FHIT: variants seen among roughly 807,000 people sequenced by gnomAD.
FHIT encodes the protein fragile histidine triad diadenosine triphosphatase, also known as bis(5'-adenosyl)-triphosphatase.
A neutral mutation model predicts 17.9 loss-of-function variants in FHIT; 19 were observed. The ratio of observed to expected loss-of-function variants is 1.06; its 90% CI spans 0.74 to 1.56. The LOEUF is 1.56. FHIT is among the 40% of genes most tolerant of loss of function. The probability of loss-of-function intolerance (pLI) is 0.00; values close to 1 mark genes in which losing one functional copy is unlikely to be tolerated. For synonymous variants in FHIT, 81 were observed against 69.7 expected (o/e 1.16, Z -0.81); for missense variants, 248 against 189.2 (o/e 1.31, Z -1.82).
At chr3:60,512,118 C>T (rs11721188) in intron 5 of FHIT, among the ~76,000 whole-genome samples, 75,917 of 151,984 alleles carry the variant, frequency 0.5, 19,040 homozygotes, top group Admixed American at 0.55. Context: ...GAATCACCAA[C>T]AAATGCTAAA....
chr3:60,680,996 A>G (rs1439009570), intron 4 of FHIT, among the ~76,000 whole-genome samples: 1 of 152,176 alleles, frequency 6.6e-6, no homozygotes, highest in Non-Finnish European at 1.5e-5. Context: ...CAAGGATATA[A>G]TTTTTTTAAG....
intron 7 of FHIT, among the ~76,000 whole-genome samples, chr3:59,983,038 A>G (rs1363053540): frequency 6.6e-6 from 1 of 151,958 alleles, no homozygotes; most frequent in East Asian, 1.9e-4. Flanking sequence ...TCCCTGGCTC[A>G]AGCGATCCTC....
chr3:61,136,171 T>C (rs1460900270), intron 2 of FHIT, among the ~76,000 whole-genome samples: 1 of 152,032 alleles, frequency 6.6e-6, no homozygotes, highest in Non-Finnish European at 1.5e-5. Flanking sequence ...ACACTTGGAT[T>C]AGCCTCAGGG....
At chr3:59,814,002 G>A (rs1405691753) in intron 8 of FHIT, among the ~76,000 whole-genome samples, 1 of 150,988 alleles carries the variant, frequency 6.6e-6, no homozygotes. Flanking sequence ...ATTCTAAAAG[G>A]ACGGATTCAT....
In FHIT at chr3:61,208,915, T is replaced by C. The variant is rs186153426; in HGVS notation, c.-212-8250A>G. 5.1e-3 allele frequency among the ~76,000 whole-genome samples: 770 copies of C among 152,174 alleles called. 15 individuals carry two copies. The highest frequency in any genetic ancestry group is 0.018 in the African/African-American group (738 of 41,546). Reference sequence around the variant, plus strand: ...TGATGTGGTTTCTTCCTAGCCTTGATGGTCTTTAAAATTTGGCATGTTTTT... The same window carrying C: ...TGATGTGGTTTCTTCCTAGCCTTGACGGTCTTTAAAATTTGGCATGTTTTT... On this transcript the variant is annotated intron_variant, in intron 1 of 9. Coordinates refer to ENST00000492590, the MANE Select transcript of FHIT (RefSeq NM_002012.4).
chr3:60,352,836 C>G (rs1270675809), intron 5 of FHIT, among the ~76,000 whole-genome samples: 1 of 152,072 alleles, frequency 6.6e-6, no homozygotes, highest in East Asian at 1.9e-4. Flanking sequence ...TTATCAGAGT[C>G]CTACTTACCC....
chr3:60,718,689 T>A (rs2107958117), intron 4 of FHIT, among the ~76,000 whole-genome samples: 1 of 152,354 alleles, frequency 6.6e-6, no homozygotes, highest in South Asian at 2.1e-4. Flanking sequence ...TCATAAACTC[T>A]ATCAGACAGA....
intron 4 of FHIT, among the ~76,000 whole-genome samples, chr3:60,593,532 A>G (rs2038161190): frequency 6.6e-6 from 1 of 152,152 alleles, no homozygotes; most frequent in Admixed American, 6.6e-5. Context: ...CTACATTGGC[A>G]ACTTTCAACT....
chr3:60,025,846 G>C (rs779417123), intron 5 of FHIT, among the ~76,000 whole-genome samples: 3 of 151,712 alleles, frequency 2.0e-5, no homozygotes, highest in Non-Finnish European at 4.4e-5. Flanking sequence ...TTCCAGAATA[G>C]AGTAAGTTAA....
At chr3:60,817,323 T>A (rs6782546) in intron 4 of FHIT, among the ~76,000 whole-genome samples, 9,371 of 152,106 alleles carry the variant, frequency 0.062, 328 homozygotes, top group African/African-American at 0.1. Context: ...AATTTTTTCA[T>A]TCCTTCTTGA....
intron 1 of FHIT, among the ~76,000 whole-genome samples, chr3:61,209,009 C>G (rs11921624): frequency 6.6e-6 from 1 of 151,890 alleles, no homozygotes; most frequent in Non-Finnish European, 1.5e-5. Flanking sequence ...TAGGGCTGGC[C>G]TGGTGGTGAG....
intron 4 of FHIT, chr3:60,690,405 G>C (rs2040959376): frequency 1.7e-6 from 1 of 579,702 alleles, no homozygotes; most frequent in South Asian, 1.4e-5. Context: ...CATTTGCGTT[G>C]GGTCCAGCAT....
intron 3 of FHIT, among the ~76,000 whole-genome samples, chr3:60,966,458 G>T (rs986909045): frequency 1.3e-5 from 2 of 152,332 alleles, no homozygotes; most frequent in East Asian, 3.9e-4. Context: ...ACAAGCCCCA[G>T]TGAGATGAAC....
chr3:59,762,287 T>C (rs777013244), intron 8 of FHIT, among the ~76,000 whole-genome samples: 4 of 152,204 alleles, frequency 2.6e-5, no homozygotes, highest in Non-Finnish European at 5.9e-5. Flanking sequence ...TTTCAGACTA[T>C]GGTAAACTGT....
At chr3:60,272,613 G>T (rs1376023827) in intron 5 of FHIT, among the ~76,000 whole-genome samples, 3 of 152,178 alleles carry the variant, frequency 2.0e-5, no homozygotes, top group Non-Finnish European at 4.4e-5. Context: ...GAATACTCTT[G>T]AAGTTCTGAA....
chr3:60,226,472 C>CAAAAAAAA lies in FHIT; in HGVS notation c.104-212328_104-212321dup, dbSNP rs1189100387. Among the ~76,000 whole-genome samples, 233 of 70,130 alleles carry CAAAAAAAA rather than the reference C, an allele frequency of 3.3e-3. 22 individuals are homozygous for CAAAAAAAA. The highest frequency in any genetic ancestry group is 0.018 in the Middle Eastern group (2 of 112). 46.0% of individuals were successfully genotyped at this position (70,130 alleles called of 152,430 possible). ...GGGCAACAAGAGTGAAACTCCGTCTCAAAAAAAAAAAAAAAAAAAAAACAC... is the reference window on the plus strand; with the variant it reads ...GGGCAACAAGAGTGAAACTCCGTCTCAAAAAAAAAAAAAAAAAAAAAAAAAAAAAACAC... On this transcript the variant is annotated intron_variant, in intron 5 of 9. Transcript: ENST00000492590.
intron 3 of FHIT, among the ~76,000 whole-genome samples, chr3:60,875,763 T>C (rs1056544716): frequency 3.3e-5 from 5 of 152,148 alleles, no homozygotes; most frequent in Admixed American, 6.5e-5. Flanking sequence ...TCATTATCTC[T>C]ACTTTATAGG....
intron 4 of FHIT, among the ~76,000 whole-genome samples, chr3:60,655,861 G>A (rs1553689423): frequency 1.3e-5 from 2 of 152,156 alleles, no homozygotes. Context: ...TTCCCAGAAT[G>A]TATTTTGGAA....
chr3:60,271,707 C>G (rs767865663), intron 5 of FHIT, among the ~76,000 whole-genome samples: 1 of 152,290 alleles, frequency 6.6e-6, no homozygotes, highest in Non-Finnish European at 1.5e-5. Flanking sequence ...AAGTCCTATA[C>G]TAAGCATTCT....
Sources: gnomAD v4.1 joint callset for allele counts (sites outside exome capture counted in the v4.1 genomes callset) on GRCh38, gnomAD v4.1.1 for gene constraint, MANE v1.5 for transcripts, NCBI Gene and HGNC (gene_info 2026-07-23, HGNC 2026-07-21) for gene names.